Variants in GALNTL6 observed in about 807,000 individuals in gnomAD.
The protein encoded by GALNTL6 is polypeptide N-acetylgalactosaminyltransferase like 6.
Under a neutral mutation model 73.7 loss-of-function variants are expected in GALNTL6, and 46 were observed. That is an observed-to-expected ratio of 0.62 (90% confidence interval 0.49 to 0.80). GALNTL6 has a LOEUF of 0.80. Ranked by LOEUF, GALNTL6 falls within the 30% of genes least tolerant of loss-of-function variation. GALNTL6 has a pLI of 0.00. For synonymous variants in GALNTL6, 259 were observed against 263.7 expected (o/e 0.98, Z 0.17); for missense variants, 604 against 755.0 (o/e 0.80, Z 2.34).
intron 5 of GALNTL6, among the ~76,000 whole-genome samples, chr4:172,434,159 T>G (rs547234107): frequency 3.9e-5 from 6 of 152,268 alleles, no homozygotes; most frequent in African/African-American, 1.4e-4. Context: ...TATCATTTTG[T>G]GACGAAAATA....
intron 10 of GALNTL6, among the ~76,000 whole-genome samples, chr4:173,006,770 T>C (rs1296403918): frequency 1.3e-5 from 2 of 152,206 alleles, no homozygotes; most frequent in Non-Finnish European, 2.9e-5. Flanking sequence ...AGGGTTCAAA[T>C]CTGGAGTCGA....
At chr4:172,039,255 T>C (rs1315307297) in intron 2 of GALNTL6, among the ~76,000 whole-genome samples, 2 of 152,134 alleles carry the variant, frequency 1.3e-5, no homozygotes, top group African/African-American at 2.4e-5. Flanking sequence ...CTTTTGTATG[T>C]AACCCAAAAA....
intron 3 of GALNTL6, among the ~76,000 whole-genome samples, chr4:172,307,596 G>T (rs183393899): frequency 6.3e-4 from 96 of 152,204 alleles, no homozygotes; most frequent in Middle Eastern, 3.4e-3. Flanking sequence ...ATTCCAGCAA[G>T]ATTTGTTGAA....
chr4:172,468,243 A>T (rs909388800), intron 5 of GALNTL6, among the ~76,000 whole-genome samples: 1 of 152,104 alleles, frequency 6.6e-6, no homozygotes, highest in Non-Finnish European at 1.5e-5. Context: ...CCACCTTACT[A>T]TGACAATTTT....
At chr4:172,200,516 T>C (rs1282072790) in intron 2 of GALNTL6, among the ~76,000 whole-genome samples, 3 of 152,224 alleles carry the variant, frequency 2.0e-5, no homozygotes, top group South Asian at 2.1e-4. Context: ...CCAGAAAATA[T>C]TGCCTGCATA....
chr4:172,836,448 A>G (rs896027853), intron 7 of GALNTL6, among the ~76,000 whole-genome samples: 2 of 152,206 alleles, frequency 1.3e-5, no homozygotes, highest in African/African-American at 4.8e-5. Context: ...GCTCCAAAGC[A>G]TGATTTTTAT....
chr4:172,410,023 A>G (rs1246634867), intron 5 of GALNTL6, among the ~76,000 whole-genome samples: 1 of 152,016 alleles, frequency 6.6e-6, no homozygotes, highest in Non-Finnish European at 1.5e-5. Flanking sequence ...CTACTTTTAC[A>G]TGTTATGCTA....
chr4:172,030,860 A>G (rs527989761), intron 2 of GALNTL6, among the ~76,000 whole-genome samples: 14 of 152,200 alleles, frequency 9.2e-5, no homozygotes, highest in East Asian at 1.9e-4. Flanking sequence ...TTATAATTTT[A>G]CAGCATCTGG....
At chr4:172,373,535 T>C (rs1268519390) in intron 5 of GALNTL6, among the ~76,000 whole-genome samples, 3 of 152,218 alleles carry the variant, frequency 2.0e-5, no homozygotes, top group Non-Finnish European at 4.4e-5. Context: ...CTTCAGGCCT[T>C]AAGGGATATT....
Position 171,823,399 on chromosome 4 carries a change from C to T in GALNTL6, c.138+8681C>T, listed in dbSNP as rs546074185. Among the ~76,000 whole-genome samples, 9 of 151,990 alleles carry T rather than the reference C, an allele frequency of 5.9e-5. No homozygotes were observed. The East Asian group carries it at 1.4e-3, about 23-fold the overall frequency. ...AAGTGAAATAAAGCAAAGAGAGAAG[C>T]AGCAATGGTTATTATCCAAAAGGCA... On this transcript the variant is annotated intron_variant, in intron 2 of 12. Coordinates refer to ENST00000506823, the MANE Select transcript of GALNTL6 (RefSeq NM_001034845.3).
At chr4:172,814,111 G>T (rs1456653792) in intron 7 of GALNTL6, among the ~76,000 whole-genome samples, 1 of 152,150 alleles carries the variant, frequency 6.6e-6, no homozygotes, top group Non-Finnish European at 1.5e-5. Flanking sequence ...ATTAGAAATT[G>T]ATATAAAATA....
chr4:172,003,757 T>C (rs187089508), intron 2 of GALNTL6, among the ~76,000 whole-genome samples: 1 of 152,252 alleles, frequency 6.6e-6, no homozygotes, highest in African/African-American at 2.4e-5. Context: ...TTCAGCTGTC[T>C]TTTCATTTCT....
At chr4:171,881,378 C>T (rs1021511406) in intron 2 of GALNTL6, among the ~76,000 whole-genome samples, 1 of 152,098 alleles carries the variant, frequency 6.6e-6, no homozygotes, top group African/African-American at 2.4e-5. Context: ...ATTGCAATCC[C>T]TGGTGTTAGA....
At chr4:173,015,631 G>A (rs1172244141) in intron 11 of GALNTL6, among the ~76,000 whole-genome samples, 1 of 152,202 alleles carries the variant, frequency 6.6e-6, no homozygotes. Flanking sequence ...CTTTGAACTT[G>A]AGAGTGATGA....
intron 2 of GALNTL6, among the ~76,000 whole-genome samples, chr4:172,053,270 C>T (rs538627805): frequency 3.3e-5 from 5 of 152,188 alleles, no homozygotes; most frequent in African/African-American, 1.2e-4. Flanking sequence ...TGTAACCAGA[C>T]ATGGTGTTTT....
At chr4:172,204,250 A>G (rs1272849983) in intron 2 of GALNTL6, among the ~76,000 whole-genome samples, 5 of 152,206 alleles carry the variant, frequency 3.3e-5, no homozygotes, top group African/African-American at 1.2e-4. Flanking sequence ...TTTATATATG[A>G]TAGTCCTTTT....
rs1358469691 is a variant in GALNTL6, at chr4:172,916,207, TA to T, written c.1042-14949del. 1.4e-3 allele frequency among the ~76,000 whole-genome samples: 219 copies of T among 152,276 alleles called. 1 individual carries two copies. The highest frequency in any genetic ancestry group is 1.3e-3 in the Non-Finnish European group (86 of 68,020). The stretch of plus-strand genomic sequence containing the variant: ...GACAAAATTCAACAACCCTTCATGC[TA>T]AAAACACTCAATAAACTAGGTATTG... On this transcript the variant is annotated intron_variant, in intron 8 of 12. Coordinates refer to ENST00000506823, the MANE Select transcript of GALNTL6 (RefSeq NM_001034845.3).
At chr4:171,909,354 A>C (rs1168670245) in intron 2 of GALNTL6, among the ~76,000 whole-genome samples, 2 of 152,136 alleles carry the variant, frequency 1.3e-5, no homozygotes, top group Non-Finnish European at 2.9e-5. Context: ...GGGTTATAAA[A>C]GAGAGAAACT....
Position 172,211,289 on chromosome 4 carries a change from A to G in GALNTL6, c.139-18367A>G, listed in dbSNP as rs1003477996. Among the ~76,000 whole-genome samples the G allele has an allele frequency of 4.6e-4, 70 of 152,300 alleles. 1 individual carries two copies. Among genetic ancestry groups the G allele is most frequent in the African/African-American group, 1.7e-3 (69 of 41,568 alleles). On this transcript the variant is annotated intron_variant, in intron 2 of 12. Coordinates refer to ENST00000506823, the MANE Select transcript of GALNTL6 (RefSeq NM_001034845.3). The stretch of plus-strand genomic sequence containing the variant: ...TCTAGATGTGTTCACTAGTTCTGGG[A>G]TGTCCTTGCCCCTAGGCCTTCTCAG...
Sources: allele counts gnomAD v4.1 joint callset (sites outside exome capture counted in the v4.1 genomes callset), GRCh38; gene constraint gnomAD v4.1.1; transcripts MANE v1.5; gene names NCBI Gene and HGNC (gene_info 2026-07-23, HGNC 2026-07-21).